Variants in TRMT11 observed in about 807,000 individuals in gnomAD.
TRMT11 encodes tRNA methyltransferase 11.
In TRMT11, 53 loss-of-function variants were observed where a neutral mutation model predicts 62.8. The observed-to-expected ratio is 0.84, with a 90% confidence interval of 0.68 to 1.06. The LOEUF is 1.06. Among genes scored for constraint, TRMT11 ranks in the 50% least tolerant of loss-of-function variants. The pLI is 0.00. For missense variants in TRMT11, 556 were observed against 553.4 expected, an observed-to-expected ratio of 1.00 and a Z score of -0.05; for synonymous variants, 188 against 190.3, an observed-to-expected ratio of 0.99 and a Z score of 0.10.
intron 21 of TRMT11, among the ~76,000 whole-genome samples, chr6:126,160,933 T>C (rs1778182957): frequency 6.6e-6 from 1 of 152,118 alleles, no homozygotes. Context: ...GAAATAAAAG[T>C]ACAGAAAGTT....
chr6:126,229,874 GT>G, the TRMT11 span, among the ~76,000 whole-genome samples: 2 of 152,062 alleles, frequency 1.3e-5, no homozygotes, highest in South Asian at 4.2e-4. Context: ...TAAAAGCGTT[GT>G]TTTTTTAAGT....
chr6:126,112,816 G>T (rs989535576), intron 17 of TRMT11, among the ~76,000 whole-genome samples: 4 of 151,688 alleles, frequency 2.6e-5, no homozygotes, highest in African/African-American at 7.3e-5. Context: ...CTGTTACTGA[G>T]ATTTTTTTTT....
chr6:126,193,229 C>T (rs545911533), intron 1 of TRMT11, among the ~76,000 whole-genome samples: 1 of 151,980 alleles, frequency 6.6e-6, no homozygotes, highest in Non-Finnish European at 1.5e-5. Context: ...ATTATAGTCT[C>T]TAATGATCCT....
chr6:126,066,794 A>G (rs1001137891), intron 17 of TRMT11, among the ~76,000 whole-genome samples: 1 of 151,990 alleles, frequency 6.6e-6, no homozygotes, highest in Non-Finnish European at 1.5e-5. Flanking sequence ...ATCAGTGATG[A>G]GGCTTGGGGG....
chr6:126,212,313 T>C, the TRMT11 span, among the ~76,000 whole-genome samples: 1 of 152,188 alleles, frequency 6.6e-6, no homozygotes, highest in Non-Finnish European at 1.5e-5. Flanking sequence ...GATCATATGG[T>C]AGCTGTATTT....
At chr6:126,196,946 C>A (rs1778673825) in intron 1 of TRMT11, among the ~76,000 whole-genome samples, 1 of 152,000 alleles carries the variant, frequency 6.6e-6, no homozygotes, top group Non-Finnish European at 1.5e-5. Flanking sequence ...TAGATATCAA[C>A]TTAAAATGAG....
At chr6:126,250,543 G>C in the TRMT11 span, among the ~76,000 whole-genome samples, 1 of 152,128 alleles carries the variant, frequency 6.6e-6, no homozygotes. Flanking sequence ...GATAATATCT[G>C]TATCTTTGTT....
At chr6:126,202,062 G>A (rs1221044118) in exon 4 of TRMT11, 1 of 152,166 alleles carries the variant, frequency 6.6e-6, no homozygotes, top group Non-Finnish European at 1.5e-5. Flanking sequence ...ATACGTGTAT[G>A]TAAAATGCTG....
At chr6:126,228,868 CATT>C in the TRMT11 span, among the ~76,000 whole-genome samples, 1 of 152,330 alleles carries the variant, frequency 6.6e-6, no homozygotes, top group South Asian at 2.1e-4. Flanking sequence ...ACTTCTTTCT[CATT>C]AACACTTGAA....
At chr6:126,000,581 GTCCAAC>G (rs1318656132) in intron 7 of TRMT11, among the ~76,000 whole-genome samples, 5 of 152,102 alleles carry the variant, frequency 3.3e-5, no homozygotes, top group Non-Finnish European at 4.4e-5. Context: ...AACTCAAGCA[GTCCAAC>G]TCCAGAGCTC....
intron 21 of TRMT11, among the ~76,000 whole-genome samples, chr6:126,143,930 T>C (rs532669111): frequency 3.3e-4 from 51 of 152,292 alleles, no homozygotes; most frequent in Non-Finnish European, 6.6e-4. Context: ...TCCACAGCCA[T>C]CTAGACAGAA....
intron 21 of TRMT11, among the ~76,000 whole-genome samples, chr6:126,137,099 C>G (rs1777859696): frequency 1.3e-5 from 2 of 151,608 alleles, no homozygotes; most frequent in Admixed American, 1.3e-4. Context: ...GATAAGACTT[C>G]AAAAGCACAG....
chr6:126,229,043 T>G, the TRMT11 span, among the ~76,000 whole-genome samples: 1 of 152,222 alleles, frequency 6.6e-6, no homozygotes, highest in Non-Finnish European at 1.5e-5. Context: ...ATTTCTAAAT[T>G]AGATACTCAT....
chr6:126,163,550 G>A (rs1258321823), intron 21 of TRMT11, among the ~76,000 whole-genome samples: 1 of 152,186 alleles, frequency 6.6e-6, no homozygotes, highest in East Asian at 1.9e-4. Context: ...TTTGGTATCA[G>A]GATGATGCTG....
chr6:126,137,312 GA>G (rs1432510094), intron 21 of TRMT11, among the ~76,000 whole-genome samples: 1 of 151,100 alleles, frequency 6.6e-6, no homozygotes, highest in Non-Finnish European at 1.5e-5. Context: ...TAGCAAGCAA[GA>G]AAAAAAATCT....
downstream of TRMT11, among the ~76,000 whole-genome samples, chr6:126,039,545 A>G (rs995896888): frequency 6.6e-6 from 1 of 152,090 alleles, no homozygotes; most frequent in African/African-American, 2.4e-5. Flanking sequence ...GGATAGTTAA[A>G]AGCAGTAACA....
intron 21 of TRMT11, among the ~76,000 whole-genome samples, chr6:126,133,609 A>G (rs1345362272): frequency 6.6e-6 from 1 of 152,016 alleles, no homozygotes; most frequent in Non-Finnish European, 1.5e-5. Flanking sequence ...GGATGGATCT[A>G]GGGAATTTAT....
chr6:126,191,260 G>T (rs962024419), intron 1 of TRMT11, among the ~76,000 whole-genome samples: 1 of 151,766 alleles, frequency 6.6e-6, no homozygotes, highest in South Asian at 2.1e-4. Context: ...TGTCTATTCA[G>T]ATCTTTTGTG....
chr6:126,208,862 C>A, the TRMT11 span, among the ~76,000 whole-genome samples: 1 of 152,210 alleles, frequency 6.6e-6, no homozygotes, highest in African/African-American at 2.4e-5. Context: ...CTATTGAGTG[C>A]CCACATACGC....
Sources: allele counts gnomAD v4.1 joint callset (sites outside exome capture counted in the v4.1 genomes callset), GRCh38; gene constraint gnomAD v4.1.1; transcripts MANE v1.5; gene names NCBI Gene and HGNC (gene_info 2026-07-23, HGNC 2026-07-21).